Variants in TTLL5 observed in about 807,000 individuals in gnomAD.
The protein encoded by TTLL5 is tubulin tyrosine ligase like 5.
TTLL5 carries 132 observed loss-of-function variants against 168.4 expected under a neutral mutation model. That is an observed-to-expected ratio of 0.78 (90% CI 0.68 to 0.91). The LOEUF (loss-of-function observed/expected upper bound fraction) is 0.91. Among genes scored for constraint, TTLL5 ranks in the 40% least tolerant of loss-of-function variants. The probability of loss-of-function intolerance (pLI) is 0.00; values close to 1 mark genes in which losing one functional copy is unlikely to be tolerated. For synonymous variants in TTLL5, 546 were observed against 558.6 expected (o/e 0.98, Z 0.32); for missense variants, 1,545 against 1,581.5 (o/e 0.98, Z 0.39).
chr14:75,854,042 C>G (rs1459053087), intron 28 of TTLL5, among the ~76,000 whole-genome samples: 2 of 143,348 alleles, frequency 1.4e-5, no homozygotes, highest in African/African-American at 2.6e-5. Context: ...GACTCCGTCT[C>G]AAAAAAAAAA....
At position 75,766,161 on chromosome 14, in the gene TTLL5, C is replaced by T. The variant is rs1312554557; in HGVS notation, c.1808C>T (p.Ser603Phe). The stretch of plus-strand genomic sequence containing the variant: ...AATGAAGATGAAGAACAGGAGGCTT[C>T]CCAGGAGGAGTCTGCAGGATTTCTT... ...LDNEDEEQEA[S>F]QEESAGFLRE... Residue 603 changes from serine to phenylalanine, a missense_variant, in exon 20 of 32, where the codon TCC (serine) becomes TTC (phenylalanine). Transcript: ENST00000298832. 6.2e-7 allele frequency: 1 copy of T among 1,613,996 alleles called. No individual in the cohort carries two copies. The highest frequency in any genetic ancestry group is 8.5e-7 in the Non-Finnish European group (1 of 1,179,966).
intron 12 of TTLL5, among the ~76,000 whole-genome samples, chr14:75,728,327 G>A (rs1229648603): frequency 6.8e-6 from 1 of 146,284 alleles, no homozygotes; most frequent in Non-Finnish European, 1.5e-5. Context: ...TTGCACTCTA[G>A]CCTGGGAGAC....
At chr14:75,778,778 C>T (rs1193044405) in intron 23 of TTLL5, among the ~76,000 whole-genome samples, 3 of 152,184 alleles carry the variant, frequency 2.0e-5, no homozygotes, top group African/African-American at 7.2e-5. Context: ...ATAGAAGAAT[C>T]CACTAGCCTC....
chr14:75,721,614 G>C (rs1344407337), intron 12 of TTLL5, among the ~76,000 whole-genome samples: 4 of 152,224 alleles, frequency 2.6e-5, no homozygotes, highest in African/African-American at 9.6e-5. Context: ...CTAGTTTTGT[G>C]ATTTTCAGCA....
rs765872484 is a variant in TTLL5 at position 75,720,650 on chromosome 14, T to A, written c.989T>A (p.Leu330Gln). ...ATTAAGACTATAATCTCTGCTGAAC[T>A]AGCTATTGCTACTGCCTGTAAAACC... ...LIIKTIISAE[L>Q]AIATACKTFV... The change falls in exon 12 of 32, where the codon CTA becomes CAA. Residue 330 changes from leucine to glutamine, a missense_variant. Coordinates refer to ENST00000298832, the MANE Select transcript of TTLL5 (RefSeq NM_015072.5). The A allele has an allele frequency of 1.8e-5, 29 of 1,613,786 alleles. No individual in the cohort carries two copies. In the South Asian group the frequency reaches 2.3e-4, roughly 13 times the overall value.
chr14:75,792,756 T>C (rs1404109750), intron 26 of TTLL5, among the ~76,000 whole-genome samples, 160 bp from the exon 27 acceptor site: 1 of 152,216 alleles, frequency 6.6e-6, no homozygotes, highest in African/African-American at 2.4e-5. Context: ...TGGTAACCAT[T>C]TATTTTTGTG....
At chr14:75,730,616 G>A (rs144503782) in intron 12 of TTLL5, among the ~76,000 whole-genome samples, 25 of 152,312 alleles carry the variant, frequency 1.6e-4, no homozygotes, top group African/African-American at 6.0e-4. Flanking sequence ...GATATTGACA[G>A]TGATTAATAA....
chr14:75,711,230 G>T (rs1228439723), intron 9 of TTLL5: 1 of 152,178 alleles, frequency 6.6e-6, no homozygotes, highest in Non-Finnish European at 1.5e-5. Context: ...TTTGGGTGCA[G>T]CTTTTTGTGA....
chr14:75,739,876 ATT>A (rs1333429685), intron 15 of TTLL5, among the ~76,000 whole-genome samples: 1 of 152,118 alleles, frequency 6.6e-6, no homozygotes, highest in Non-Finnish European at 1.5e-5. Context: ...TGATTTTCCC[ATT>A]GTCAAGATCT....
intron 30 of TTLL5, among the ~76,000 whole-genome samples, chr14:75,896,758 G>A (rs2032680846): frequency 6.6e-6 from 1 of 152,154 alleles, no homozygotes; most frequent in Admixed American, 6.5e-5. Context: ...ATGGGCAAAA[G>A]AAGAACAGAG....
chr14:75,707,130 T>A, intron 8 of TTLL5, 43 bp downstream of exon 8: 1 of 1,519,726 alleles, frequency 6.6e-7, no homozygotes, highest in Non-Finnish European at 9.1e-7. Flanking sequence ...GCCAGATTTT[T>A]GCTCAACTTT....
chr14:75,715,198 G>A (rs1887346822), intron 9 of TTLL5, among the ~76,000 whole-genome samples: 2 of 150,972 alleles, frequency 1.3e-5, no homozygotes, highest in African/African-American at 4.9e-5. Flanking sequence ...CCCTTATTTG[G>A]TGGCCTCCCT....
chr14:75,903,810 A>T (rs2033027705), intron 31 of TTLL5, among the ~76,000 whole-genome samples: 1 of 151,558 alleles, frequency 6.6e-6, no homozygotes, highest in South Asian at 2.1e-4. Flanking sequence ...TGGGAGGATC[A>T]CTTGAGCCCA....
At chr14:75,783,949 A>T (rs1301088218) in intron 26 of TTLL5, among the ~76,000 whole-genome samples, 1 of 152,242 alleles carries the variant, frequency 6.6e-6, no homozygotes, top group Non-Finnish European at 1.5e-5. Flanking sequence ...AATAGGTTAT[A>T]TCATTTTAAC....
chr14:75,886,393 G>A (rs925251881), intron 30 of TTLL5, among the ~76,000 whole-genome samples: 1 of 152,126 alleles, frequency 6.6e-6, no homozygotes, highest in African/African-American at 2.4e-5. Flanking sequence ...TCTGTAAAAC[G>A]AAACCCACTG....
At chr14:75,745,605 T>C (rs183286153) in intron 17 of TTLL5, 24 bp downstream of exon 17, 2 of 1,584,264 alleles carry the variant, frequency 1.3e-6, no homozygotes, top group Admixed American at 1.7e-5. Context: ...CTTTTTTTTT[T>C]ATTCTTTACC....
rs1224604831 is a variant in TTLL5, at chr14:75,662,877, GCATATTGAGGCA to G, written c.-95-162_-95-151del. ...TTTGAAAAAAATCTTGATTTTTGTG[GCATATTGAGGCA>G]CATATTGAGGCACATTCCATATGTT... On this transcript the variant is annotated intron_variant, in intron 1 of 31. Coordinates refer to ENST00000298832, the MANE Select transcript of TTLL5 (RefSeq NM_015072.5). 5.3e-5 allele frequency among the ~76,000 whole-genome samples: 8 copies of G among 152,220 alleles called. No individual in the cohort carries two copies. The East Asian group carries it at 5.8e-4, about 11-fold the overall frequency.
intron 31 of TTLL5, among the ~76,000 whole-genome samples, chr14:75,911,626 A>G (rs2033390944): frequency 6.6e-6 from 1 of 152,186 alleles, no homozygotes; most frequent in African/African-American, 2.4e-5. Context: ...TTTGATTCCC[A>G]GGGAAATTAA....
At chr14:75,792,262 T>C (rs1892769280) in intron 26 of TTLL5, among the ~76,000 whole-genome samples, 1 of 148,518 alleles carries the variant, frequency 6.7e-6, no homozygotes, top group Admixed American at 6.7e-5. Context: ...TTAGGAGATA[T>C]ACCTAATGTA....
Sources: gnomAD v4.1 joint callset for allele counts (sites outside exome capture counted in the v4.1 genomes callset) on GRCh38, gnomAD v4.1.1 for gene constraint, MANE v1.5 for transcripts, NCBI Gene and HGNC (gene_info 2026-07-23, HGNC 2026-07-21) for gene names.